TRPT1: variants seen among roughly 807,000 people sequenced by gnomAD.
TRPT1 encodes tRNA phosphotransferase 1.
TRPT1 carries 22 observed loss-of-function variants against 28.4 expected under a neutral mutation model. The observed-to-expected ratio is 0.78, with a 90% CI of 0.55 to 1.11. The LOEUF is 1.11. TRPT1 is among the 50% of genes least tolerant of loss of function. The pLI, the probability that TRPT1 is intolerant of heterozygous loss-of-function variation, is 0.00. For missense variants in TRPT1, 308 were observed against 317.7 expected, an observed-to-expected ratio of 0.97 and a Z score of 0.23; for synonymous variants, 137 against 132.4, an observed-to-expected ratio of 1.03 and a Z score of -0.24.
At position 64,223,924 on chromosome 11, in the gene TRPT1, C is replaced by G. The variant is rs780051133; in HGVS notation, c.714G>C (p.Gln238His). 3.7e-6 allele frequency: 6 copies of G among 1,613,878 alleles called. No homozygotes were observed. The highest frequency in any genetic ancestry group is 4.2e-6 in the Non-Finnish European group (5 of 1,179,924). Reference protein sequence around the residue: ...SLAGDEETECQSSPKHSSRER... With the variant: ...SLAGDEETECHSSPKHSSRER... ...CTCTGGAGCTGTGCTTGGGGCTACT[C>G]TGACACTCTGTCTCTTCATCACCAG... The change falls in exon 8 of 8, where the codon CAG becomes CAC. Residue 238 changes from glutamine to histidine, a missense_variant. By Grantham distance (24) the Gln-to-His change is conservative. Coordinates refer to ENST00000317459, the MANE Select transcript of TRPT1 (RefSeq NM_001033678.4).
At position 64,226,136 on chromosome 11, in the gene TRPT1, G is replaced by T; in HGVS notation, c.-96C>A. 2.2e-6 allele frequency: 1 copy of T among 460,546 alleles called. No homozygotes were observed. The highest frequency in any genetic ancestry group is 3.5e-5 in the South Asian group (1 of 28,256). The allele number at this position is 460,546 out of a possible 1,614,324, so 28.5% of individuals were successfully genotyped here. On this transcript the variant is annotated 5_prime_UTR_variant, in exon 1 of 8. Coordinates refer to ENST00000317459, the MANE Select transcript of TRPT1 (RefSeq NM_001033678.4). ...TGCGCCCCGCAGGGTGGTCCGGGAG[G>T]CAGGGCCGACGTGCCGACGGACCGG...
At chr11:64,225,262 G>T in intron 3 of TRPT1, 1 of 608,550 alleles carries the variant, frequency 1.6e-6, no homozygotes, top group Non-Finnish European at 2.9e-6. Context: ...CGGGGTAAGT[G>T]CTGATCTGGC....
chr11:64,225,499 C>A lies in TRPT1; in HGVS notation c.157G>T (p.Asp53Tyr), dbSNP rs749814438. 6.2e-7 allele frequency: 1 copy of A among 1,612,392 alleles called. No individual in the cohort carries two copies. The highest frequency in any genetic ancestry group is 8.5e-7 in the Non-Finnish European group (1 of 1,179,392). The change falls in exon 3 of 8, where the codon GAT (aspartate) becomes TAT (tyrosine). Residue 53 changes from aspartate to tyrosine, a missense_variant and splice_region_variant. By Grantham distance (160) the Asp-to-Tyr change is radical (BLOSUM62 -3). Coordinates refer to ENST00000317459, the MANE Select transcript of TRPT1 (RefSeq NM_001033678.4). Reference sequence around the variant, plus strand: ...CCCAGCCTCCAAGGCCCCTACTTACCAGCTCCCATGGGAAGCCCCAGCTTC... The same window carrying A: ...CCCAGCCTCCAAGGCCCCTACTTACAAGCTCCCATGGGAAGCCCCAGCTTC... ...ALKLGLPMGA[D>Y]GFVPLGTLLQ... is the part of the protein sequence containing the mutation.
chr11:64,224,056 A>C (rs1373145404), intron 7 of TRPT1, 44 bp downstream of exon 7: 2 of 1,595,388 alleles, frequency 1.3e-6, no homozygotes, highest in Non-Finnish European at 1.7e-6. Context: ...AGAAGGGCAC[A>C]GCTTTCAGGA....
At chr11:64,226,250 G>A (rs974822255), upstream of TRPT1, 10 of 467,770 alleles carry the variant, frequency 2.1e-5, no homozygotes, top group Admixed American at 1.8e-4. Context: ...AAGGGGGCGG[G>A]CACTTCCGCT....
At chr11:64,225,005 GCTC>G (rs1946896947) in intron 3 of TRPT1, 35 bp from the exon 4 acceptor site, 1 of 1,542,574 alleles carries the variant, frequency 6.5e-7, no homozygotes, top group East Asian at 2.4e-5. Flanking sequence ...AGCTAACCTT[GCTC>G]TGGACTGGGC....
chr11:64,226,253 C>G (rs915354231), upstream of TRPT1: 2 of 508,706 alleles, frequency 3.9e-6, no homozygotes, highest in Non-Finnish European at 5.8e-6. Context: ...GGGGCGGGCA[C>G]TTCCGCTTCG....
chr11:64,225,362 C>T (rs916189152), intron 3 of TRPT1, 137 bp downstream of exon 3: 5 of 704,782 alleles, frequency 7.1e-6, no homozygotes, highest in Non-Finnish European at 1.2e-5. Flanking sequence ...CTAGGCCTTG[C>T]TCTCCTCTGT....
In TRPT1 at chr11:64,225,538, G is replaced by A; in HGVS notation, c.118C>T (p.Arg40Cys). 1 of 1,612,932 alleles carries A rather than the reference G, an allele frequency of 6.2e-7. No individual in the cohort carries two copies. The highest frequency in any genetic ancestry group is 8.5e-7 in the Non-Finnish European group (1 of 1,179,672). The change falls in exon 3 of 8, where the codon CGC becomes TGC. Residue 40 changes from arginine (R) to cysteine (C), a missense_variant. Transcript: ENST00000317459. ...QLSKALSYAL[R>C]HGALKLGLPM... ...AGCCCCAGCTTCAAGGCCCCATGGC[G>A]CAGGGCATAGGACAGAGCCTTGGAC...
Position 64,224,984 on chromosome 11 carries a change from G to A in TRPT1, c.158-14C>T, listed in dbSNP as rs1022527781. On this transcript the variant is annotated splice_polypyrimidine_tract_variant and intron_variant, in intron 3 of 7. Transcript: ENST00000317459. ...GCACGAAGCCATCTGTGGGCAGGCA[G>A]GGTGCTCAGGAGCTAACCTTGCTCT... 1.3e-6 allele frequency: 2 copies of A among 1,549,812 alleles called. No individual in the cohort carries two copies. The highest frequency in any genetic ancestry group is 1.7e-6 in the Non-Finnish European group (2 of 1,147,830).
chr11:64,226,160 G>C lies in TRPT1; in HGVS notation c.-120C>G, dbSNP rs375854892. 8 of 429,894 alleles carry C rather than the reference G, an allele frequency of 1.9e-5. No homozygotes were observed. The East Asian group carries it at 2.4e-4, about 13-fold the overall frequency. The allele number at this position is 429,894 out of a possible 1,614,324, so 26.6% of individuals were successfully genotyped here. A position where few individuals can be genotyped will look rare whatever the true frequency, so the allele number is the denominator to read the frequency against. ...GGCAGGGCCGACGTGCCGACGGACC[G>C]GGCGGAAGCGTCGGGGCGGCGGGGA... On this transcript the variant is annotated 5_prime_UTR_variant, in exon 1 of 8. Transcript: ENST00000317459.
chr11:64,224,454 G>A lies in TRPT1; in HGVS notation c.502+89C>T, dbSNP rs184646976. ...GGGTGCTGCTCCATGCCGGACATGG[G>A]GTGGCCCCAGACAAGTGTTGTAACC... On this transcript the variant is annotated intron_variant, in intron 5 of 7. Transcript: ENST00000317459. The A allele has an allele frequency of 8.8e-6, 14 of 1,588,968 alleles. No homozygotes were observed. In the African/African-American group the frequency reaches 1.5e-4, roughly 17 times the overall value.
intron 3 of TRPT1, chr11:64,225,295 A>C: frequency 1.6e-6 from 1 of 615,916 alleles, no homozygotes; most frequent in Non-Finnish European, 2.8e-6. Flanking sequence ...GGGGGCGGTC[A>C]CCAGGCCTGG....
chr11:64,223,921 A>C lies in TRPT1; in HGVS notation c.717T>G (p.Ser239Arg). ...LAGDEETECQSSPKHSSRERR... is the reference protein window; with the variant it reads ...LAGDEETECQRSPKHSSRERR... ...TTTCTCTGGAGCTGTGCTTGGGGCTACTCTGACACTCTGTCTCTTCATCAC... is the reference window on the plus strand; with the variant it reads ...TTTCTCTGGAGCTGTGCTTGGGGCTCCTCTGACACTCTGTCTCTTCATCAC... The change falls in exon 8 of 8, where the codon AGT becomes AGG. Residue 239 changes from serine to arginine, a missense_variant. Ser to Arg is a moderately radical substitution (Grantham distance 110, BLOSUM62 -1). Coordinates refer to ENST00000317459, the MANE Select transcript of TRPT1 (RefSeq NM_001033678.4). 6.2e-7 allele frequency: 1 copy of C among 1,613,800 alleles called. No individual in the cohort carries two copies. Among genetic ancestry groups the C allele is most frequent in the Non-Finnish European group, 8.5e-7 (1 of 1,179,808 alleles).
rs1946891195 is a variant in TRPT1, at chr11:64,224,966, G to A, written c.162C>T (p.Gly54=). Residue 54 remains glycine (G), a synonymous_variant, in exon 4 of 8, where the codon GGC becomes GGT. Coordinates refer to ENST00000317459, the MANE Select transcript of TRPT1 (RefSeq NM_001033678.4). The part of the protein sequence containing the change: ...LKLGLPMGAD[G]FVPLGTLLQL... ...GCAGGAGGGTGCCCAGGGGCACGAAGCCATCTGTGGGCAGGCAGGGTGCTC... is the reference window on the plus strand; with the variant it reads ...GCAGGAGGGTGCCCAGGGGCACGAAACCATCTGTGGGCAGGCAGGGTGCTC... 1.3e-6 allele frequency: 2 copies of A among 1,556,368 alleles called. No individual in the cohort carries two copies. The highest frequency in any genetic ancestry group is 1.7e-6 in the Non-Finnish European group (2 of 1,150,684).
Position 64,224,911 on chromosome 11 carries a change from C to T in TRPT1, c.217G>A (p.Glu73Lys). The change falls in exon 4 of 8, where the codon GAA (glutamate) becomes AAA (lysine). Residue 73 changes from glutamate to lysine, a missense_variant. Transcript: ENST00000317459. Reference sequence around the variant, plus strand: ...GTGTCCACCACGCGCTGCACATCTTCAGCAGAGAAGCCGCGGAACTGGGGC... The same window carrying T: ...GTGTCCACCACGCGCTGCACATCTTTAGCAGAGAAGCCGCGGAACTGGGGC... ...QLPQFRGFSA[E>K]DVQRVVDTNR... 1 of 1,598,534 alleles carries T rather than the reference C, an allele frequency of 6.3e-7. No individual in the cohort carries two copies. The highest frequency in any genetic ancestry group is 1.1e-5 in the South Asian group (1 of 89,000).
At chr11:64,225,252 CG>C (rs1466936670) in intron 3 of TRPT1, 7 of 607,650 alleles carry the variant, frequency 1.2e-5, no homozygotes, top group Non-Finnish European at 1.7e-5. Context: ...GGCTCGCCCT[CG>C]GGGTAAGTGC....
chr11:64,225,330 T>G (rs1285510423), intron 3 of TRPT1, 169 bp downstream of exon 3: 3 of 637,782 alleles, frequency 4.7e-6, no homozygotes, highest in East Asian at 2.8e-5. Context: ...CTCCTCAGTC[T>G]GCTGTGGACA....
At chr11:64,225,311 A>G in intron 3 of TRPT1, 188 bp downstream of exon 3, 1 of 626,042 alleles carries the variant, frequency 1.6e-6, no homozygotes, top group Non-Finnish European at 2.8e-6. Context: ...CCTGGCCCAG[A>G]CAAGAACTCT....
Sources: allele counts gnomAD v4.1 joint callset, GRCh38; gene constraint gnomAD v4.1.1; transcripts MANE v1.5; gene names NCBI Gene and HGNC (gene_info 2026-07-23, HGNC 2026-07-21).